Variants in RASA4 observed in about 807,000 individuals in gnomAD.
The protein encoded by RASA4 is ras GTPase-activating protein 4.
Under a neutral mutation model 24.0 loss-of-function variants are expected in RASA4, and 5 were observed. The ratio of observed to expected loss-of-function variants is 0.21; its 90% CI spans 0.11 to 0.44. RASA4 has a LOEUF of 0.44. Ranked by LOEUF, RASA4 falls within the 20% of genes least tolerant of loss-of-function variation. The pLI is 0.99. For synonymous variants in RASA4, 9 were observed against 132.7 expected, an observed-to-expected ratio of 0.07 and a Z score of 6.41; for missense variants, 38 against 293.0, an observed-to-expected ratio of 0.13 and a Z score of 6.35.
intron 16 of RASA4, among the ~76,000 whole-genome samples, chr7:102,591,976 G>A (rs1398958864): frequency 1.3e-5 from 2 of 152,238 alleles, no homozygotes; most frequent in Non-Finnish European, 2.9e-5. Context: ...TGGGACTACA[G>A]GCACCCACCA....
intron 17 of RASA4, among the ~76,000 whole-genome samples, 198 bp from the exon 18 acceptor site, chr7:102,587,968 GCAGTGGCTCACTCCTATAATCC>G (rs1456346551): frequency 0.65 from 1,650 of 2,540 alleles, 617 homozygotes; most frequent in Middle Eastern, 1. Flanking sequence ...GAGAGCAGGT[GCAGTGGCTCACTCCTATAATCC>G]CAGTGGCTCA....
chr7:102,613,813 G>A (rs1198005398), intron 1 of RASA4, among the ~76,000 whole-genome samples: 21 of 152,014 alleles, frequency 1.4e-4, no homozygotes, highest in African/African-American at 5.1e-4. Flanking sequence ...GTGGGAGGCA[G>A]TGGGTCACTG....
chr7:102,597,566 G>C (rs1166045214), intron 8 of RASA4, among the ~76,000 whole-genome samples: 2 of 96,042 alleles, frequency 2.1e-5, no homozygotes, highest in Admixed American at 2.3e-4. Context: ...GCTGAGATTA[G>C]AGGTGCCCGC....
In RASA4 at chr7:102,599,726, G is replaced by A. The variant is rs1401668688; in HGVS notation, c.737+134C>T. ...GATGCTGGCTAGGTGGGCAGGGGCT[G>A]AGGGGACCCTGGAGCTGTGTCTCCT... On this transcript the variant is annotated intron_variant, in intron 8 of 20. Transcript: ENST00000262940. 1.6e-3 allele frequency: 424 copies of A among 260,050 alleles called. 2 individuals carry two copies. Among genetic ancestry groups the A allele is most frequent in the African/African-American group, 9.3e-3 (383 of 41,208 alleles). 16.1% of individuals were successfully genotyped at this position (260,050 alleles called of 1,614,324 possible). A position where few individuals can be genotyped will look rare whatever the true frequency, so the allele number is the denominator to read the frequency against.
intron 16 of RASA4, among the ~76,000 whole-genome samples, chr7:102,590,796 C>T (rs1221303826): frequency 4.2e-5 from 6 of 142,084 alleles, no homozygotes; most frequent in Non-Finnish European, 6.0e-5. Flanking sequence ...CAAAATTAGC[C>T]GGGCATGGTG....
chr7:102,606,395 CAAAAAAAAAAAAAA>C (rs555519087), intron 4 of RASA4, among the ~76,000 whole-genome samples: 2,158 of 55,208 alleles, frequency 0.039, 3 homozygotes, highest in African/African-American at 0.097. Flanking sequence ...GACCCCATCT[CAAAAAAAAAAAAAA>C]AAAAAAAAAA....
chr7:102,602,546 G>A (rs1306288356), intron 5 of RASA4, 141 bp from the exon 6 acceptor site: 1 of 26,294 alleles, frequency 3.8e-5, no homozygotes, highest in African/African-American at 2.0e-4. Flanking sequence ...TGGACAGTGC[G>A]CCTCTGCCCT....
intron 5 of RASA4, among the ~76,000 whole-genome samples, chr7:102,605,100 G>GCC (rs1790574353): frequency 7.1e-6 from 1 of 141,166 alleles, no homozygotes; most frequent in Non-Finnish European, 1.6e-5. Context: ...CCCTCAATTT[G>GCC]CCCATCGGGA....
chr7:102,606,395 CAAAAAAAA>C (rs555519087), intron 4 of RASA4, among the ~76,000 whole-genome samples: 1,947 of 54,524 alleles, frequency 0.036, 3 homozygotes, highest in Middle Eastern at 0.09. Flanking sequence ...GACCCCATCT[CAAAAAAAA>C]AAAAAAAAAA....
intron 8 of RASA4, among the ~76,000 whole-genome samples, chr7:102,597,884 C>T (rs1425423245): frequency 0.033 from 2,183 of 65,708 alleles, 6 homozygotes; most frequent in African/African-American, 0.096. Flanking sequence ...TTAGTAGAGA[C>T]GGTGTTTCAC....
chr7:102,603,623 T>C (rs867792913), intron 5 of RASA4, among the ~76,000 whole-genome samples: 1,340 of 141,616 alleles, frequency 9.5e-3, no homozygotes, highest in African/African-American at 0.041. Context: ...TCATCTTTGA[T>C]ATTTTAAGCC....
At chr7:102,602,900 C>T (rs1341156039) in intron 5 of RASA4, among the ~76,000 whole-genome samples, 2 of 146,488 alleles carry the variant, frequency 1.4e-5, no homozygotes, top group East Asian at 2.0e-4. Flanking sequence ...CCCTGATGGG[C>T]GGCCCTGCCC....
chr7:102,597,670 C>T (rs1356648773), intron 8 of RASA4, among the ~76,000 whole-genome samples: 94 of 139,712 alleles, frequency 6.7e-4, no homozygotes, highest in African/African-American at 2.1e-3. Context: ...ATGATCCACC[C>T]GCCTCGGCCA....
Position 102,601,949 on chromosome 7 carries a change from AC to A in RASA4, c.510+374del, listed in dbSNP as rs1473223905. Among the ~76,000 whole-genome samples the A allele has an allele frequency of 3.7e-4, 2 of 5,360 alleles. 1 individual carries two copies. The highest frequency in any genetic ancestry group is 4.0e-4 in the African/African-American group (2 of 5,022). 3.5% of individuals were successfully genotyped at this position (5,360 alleles called of 152,430 possible). ...AAAAAAAAACACCACGAAACACAAA[AC>A]AAAAACAGTAGCGACTATACTGAGA... On this transcript the variant is annotated intron_variant, in intron 6 of 20. Coordinates refer to ENST00000262940, the MANE Select transcript of RASA4 (RefSeq NM_006989.6).
intron 2 of RASA4, among the ~76,000 whole-genome samples, chr7:102,610,691 C>T: frequency 6.6e-6 from 1 of 151,822 alleles, no homozygotes; most frequent in Non-Finnish European, 1.5e-5. Flanking sequence ...GGTAGTTAGT[C>T]TCCCTGAGCC....
At chr7:102,610,694 C>T (rs1481497636) in intron 2 of RASA4, among the ~76,000 whole-genome samples, 1 of 151,804 alleles carries the variant, frequency 6.6e-6, no homozygotes, top group Non-Finnish European at 1.5e-5. Flanking sequence ...AGTTAGTCTC[C>T]CTGAGCCTCA....
intron 4 of RASA4, among the ~76,000 whole-genome samples, chr7:102,606,808 T>C (rs1302902480): frequency 5.3e-5 from 4 of 75,336 alleles, no homozygotes; most frequent in African/African-American, 1.6e-4. Context: ...CCCAGCCAGA[T>C]TCCCCATCTT....
chr7:102,595,242 GTCGCTC>G, intron 11 of RASA4, 57 bp downstream of exon 11: 1 of 547,710 alleles, frequency 1.8e-6, no homozygotes, highest in Middle Eastern at 4.4e-4. Flanking sequence ...AGCCCCCTCT[GTCGCTC>G]TCTGAAGCTC....
intron 5 of RASA4, among the ~76,000 whole-genome samples, chr7:102,603,863 A>AC (rs1790485919): frequency 1.9e-5 from 1 of 53,510 alleles, no homozygotes. Flanking sequence ...AAAAAAAACC[A>AC]CCAAAAAAAA....
Sources: allele counts gnomAD v4.1 joint callset (sites outside exome capture counted in the v4.1 genomes callset), GRCh38; gene constraint gnomAD v4.1.1; transcripts MANE v1.5; gene names NCBI Gene and HGNC (gene_info 2026-07-23, HGNC 2026-07-21).